Variants in NCAPD3 observed in about 807,000 individuals in gnomAD.
NCAPD3 encodes the protein condensin-2 complex subunit D3.
A neutral mutation model predicts 182.9 loss-of-function variants in NCAPD3; 105 were observed. The ratio of observed to expected loss-of-function variants is 0.57; its 90% CI spans 0.49 to 0.68. The LOEUF is 0.68. NCAPD3 is among the 30% of genes least tolerant of loss of function. The pLI is 0.00. For missense variants in NCAPD3, 1,944 were observed against 1,837.0 expected (o/e 1.06, Z -1.07); for synonymous variants, 815 against 679.9 (o/e 1.20, Z -3.09).
At chr11:134,170,304 GTCTGA>G (rs1291749561) in intron 24 of NCAPD3, among the ~76,000 whole-genome samples, 15 of 152,306 alleles carry the variant, frequency 9.8e-5, no homozygotes, top group African/African-American at 3.4e-4. Context: ...AGAAGCACCT[GTCTGA>G]TCTAAGAGTA....
chr11:134,178,930 A>G lies in NCAPD3; in HGVS notation c.2566T>C (p.Tyr856His), dbSNP rs1258832181. Reference sequence around the variant, plus strand: ...GCTATATCCCCTAAGGTAAAAATGTACTTCACCTACAAAGATAATTGGTTT... The same window carrying G: ...GCTATATCCCCTAAGGTAAAAATGTGCTTCACCTACAAAGATAATTGGTTT... ...GNMDEDLLVK[Y>H]IFTLGDIAQL... is the part of the protein sequence containing the mutation. Residue 856 changes from tyrosine to histidine, a missense_variant, in exon 21 of 35, where the codon TAC becomes CAC. Physicochemically the swap from Tyr to His is moderately conservative, Grantham distance 83. This residue lies in a region of NCAPD3 where 1,803 missense variants were observed against 1,674.6 expected (regional missense o/e 1.08). Coordinates refer to ENST00000534548, the MANE Select transcript of NCAPD3 (RefSeq NM_015261.3). 15 of 1,608,914 alleles carry G rather than the reference A, an allele frequency of 9.3e-6. No individual in the cohort carries two copies. Among genetic ancestry groups the G allele is most frequent in the Non-Finnish European group, 1.2e-5 (14 of 1,175,488 alleles).
At chr11:134,181,557 TG>T (rs1205966132) in intron 19 of NCAPD3, among the ~76,000 whole-genome samples, 1 of 152,174 alleles carries the variant, frequency 6.6e-6, no homozygotes, top group East Asian at 1.9e-4. Context: ...ATACAGATGA[TG>T]AATTAACTAC....
intron 24 of NCAPD3, among the ~76,000 whole-genome samples, chr11:134,170,727 C>T (rs1260705118): frequency 6.6e-6 from 1 of 152,250 alleles, no homozygotes; most frequent in East Asian, 1.9e-4. Flanking sequence ...TAGTGAAAAA[C>T]TTGCTGAACC....
At chr11:134,205,956 C>T (rs1158221756) in intron 8 of NCAPD3, among the ~76,000 whole-genome samples, 1 of 152,158 alleles carries the variant, frequency 6.6e-6, no homozygotes, top group Non-Finnish European at 1.5e-5. Flanking sequence ...CACATGCACA[C>T]CATGTCTCGG....
At chr11:134,153,074 T>A in intron 34 of NCAPD3, 22 bp from the exon 35 acceptor site, 1 of 1,610,856 alleles carries the variant, frequency 6.2e-7, no homozygotes, top group East Asian at 2.2e-5. Context: ...ACATGTGCAG[T>A]CATTCTGGAA....
intron 2 of NCAPD3, 84 bp from the exon 3 acceptor site, chr11:134,217,182 T>C: frequency 7.6e-7 from 1 of 1,322,154 alleles, no homozygotes; most frequent in Non-Finnish European, 1.0e-6. Flanking sequence ...AAGTTCTTGG[T>C]GCCTTACAAA....
Position 134,152,698 on chromosome 11 carries a change from A to T in NCAPD3, c.*246T>A, listed in dbSNP as rs1024518544. On this transcript the variant is annotated 3_prime_UTR_variant, in exon 35 of 35. Coordinates refer to ENST00000534548, the MANE Select transcript of NCAPD3 (RefSeq NM_015261.3). ...TGACACTTTCAAATGGAATAAAGTT[A>T]CAATATTAAACAGATTAGGGTAAGA... 6.2e-5 allele frequency: 24 copies of T among 387,526 alleles called. No homozygotes were observed. Among genetic ancestry groups the T allele is most frequent in the Admixed American group, 3.3e-4 (8 of 24,452 alleles). The allele number at this position is 387,526 out of a possible 1,614,324, so 24.0% of individuals were successfully genotyped here.
upstream of NCAPD3, chr11:134,224,955 C>G (rs1311673169): frequency 2.6e-6 from 1 of 389,852 alleles, no homozygotes; most frequent in African/African-American, 2.1e-5. Context: ...CCCGTGGAGC[C>G]GGCTGTCCGT....
Position 134,167,986 on chromosome 11 carries a change from A to G in NCAPD3, c.3573+10T>C, listed in dbSNP as rs371175133. ...GTGAGAAGATGATCTTAGGGGAGCAACACACTCACTTGTGAGATGAGCTTC... is the reference window on the plus strand; with the variant it reads ...GTGAGAAGATGATCTTAGGGGAGCAGCACACTCACTTGTGAGATGAGCTTC... On this transcript the variant is annotated intron_variant, in intron 27 of 34. Transcript: ENST00000534548. 5.6e-6 allele frequency: 9 copies of G among 1,611,312 alleles called. No individual in the cohort carries two copies. In the African/African-American group the frequency reaches 1.2e-4, roughly 22 times the overall value.
rs148269652 is a variant in NCAPD3, at chr11:134,217,340, G to C, written c.220-242C>G. Among the ~76,000 whole-genome samples, 639 of 152,140 alleles carry C rather than the reference G, an allele frequency of 4.2e-3. 3 individuals carry two copies. The highest frequency in any genetic ancestry group is 0.014 in the African/African-American group (593 of 41,522). ...TATTTAAATAATTAAACTTTCAAAA[G>C]AATTTTTTGTTAAGTTTGTAGCATA... is the stretch of plus-strand genomic sequence containing the variant. On this transcript the variant is annotated intron_variant, in intron 2 of 34. Coordinates refer to ENST00000534548, the MANE Select transcript of NCAPD3 (RefSeq NM_015261.3).
At chr11:134,208,773 A>G (rs1937712642) in intron 7 of NCAPD3, 91 bp downstream of exon 7, 1 of 806,682 alleles carries the variant, frequency 1.2e-6, no homozygotes, top group South Asian at 1.6e-5. Context: ...TTGAAATGGC[A>G]TTATATCAAA....
intron 2 of NCAPD3, among the ~76,000 whole-genome samples, chr11:134,219,944 C>T (rs943373862): frequency 1.3e-5 from 2 of 152,050 alleles, no homozygotes; most frequent in Admixed American, 1.3e-4. Flanking sequence ...TACAGAAGCC[C>T]GCCACCACAA....
In NCAPD3 at chr11:134,217,734, G is replaced by A. The variant is rs4936223; in HGVS notation, c.220-636C>T. Among the ~76,000 whole-genome samples the A allele has an allele frequency of 3.5e-3, 530 of 152,154 alleles. 1 individual carries two copies. The highest frequency in any genetic ancestry group is 0.017 in the Middle Eastern group (5 of 294). On this transcript the variant is annotated intron_variant, in intron 2 of 34. Coordinates refer to ENST00000534548, the MANE Select transcript of NCAPD3 (RefSeq NM_015261.3). ...TAAATATGGTTTATCCTTGAGTATCGTAACAAAAAAAGGCCCACAAAATTC... is the reference window on the plus strand; with the variant it reads ...TAAATATGGTTTATCCTTGAGTATCATAACAAAAAAAGGCCCACAAAATTC...
intron 32 of NCAPD3, among the ~76,000 whole-genome samples, chr11:134,156,255 T>G (rs1943416561): frequency 6.6e-6 from 1 of 150,904 alleles, no homozygotes; most frequent in African/African-American, 2.4e-5. Flanking sequence ...CAGTGAGGAG[T>G]GGAATGGCCA....
chr11:134,205,669 G>A (rs894090943), intron 8 of NCAPD3, among the ~76,000 whole-genome samples: 8 of 152,026 alleles, frequency 5.3e-5, no homozygotes, highest in South Asian at 2.1e-4. Flanking sequence ...GTGCCACCGC[G>A]CCCCGCCTCA....
Position 134,194,669 on chromosome 11 carries a change from A to T in NCAPD3, c.1685T>A (p.Leu562Gln). ...DEKTNVRKSALQVLVSILKHC... is the reference protein window; with the variant it reads ...DEKTNVRKSAQQVLVSILKHC... ...ATGTGCAGAGAAAACTCCCACCTGC[A>T]GTGCAGACTTCCTAACGTTGGTCTT... Residue 562 changes from leucine (L) to glutamine (Q), a missense_variant, in exon 14 of 35, where the codon CTG (leucine) becomes CAG (glutamine). Physicochemically the swap from Leu to Gln is moderately radical, Grantham distance 113. Coordinates refer to ENST00000534548, the MANE Select transcript of NCAPD3 (RefSeq NM_015261.3). 6.3e-7 allele frequency: 1 copy of T among 1,590,810 alleles called. No homozygotes were observed. Among genetic ancestry groups the T allele is most frequent in the Non-Finnish European group, 8.5e-7 (1 of 1,170,498 alleles).
At chr11:134,208,427 A>C (rs894016723) in intron 7 of NCAPD3, among the ~76,000 whole-genome samples, 1 of 152,196 alleles carries the variant, frequency 6.6e-6, no homozygotes, top group Non-Finnish European at 1.5e-5. Flanking sequence ...AAATAATACA[A>C]CTACCAATAG....
intron 1 of NCAPD3, 142 bp downstream of exon 1, chr11:134,223,721 C>G (rs1391321445): frequency 1.0e-6 from 1 of 954,080 alleles, no homozygotes; most frequent in Admixed American, 2.4e-5. Flanking sequence ...TGGCGTGGCA[C>G]GGCCCTGGGG....
intron 17 of NCAPD3, 136 bp downstream of exon 17, chr11:134,185,199 T>C: frequency 1.1e-6 from 1 of 927,498 alleles, no homozygotes. Flanking sequence ...ATTTTTTTCA[T>C]GCTTGTTTTT....
Sources: gnomAD v4.1 joint callset for allele counts (sites outside exome capture counted in the v4.1 genomes callset) on GRCh38, gnomAD v4.1.1 for gene constraint, gnomAD v4.1.1 regional missense constraint, MANE v1.5 for transcripts, NCBI Gene and HGNC (gene_info 2026-07-23, HGNC 2026-07-21) for gene names.